ETV7: variants seen among roughly 807,000 people sequenced by gnomAD.
The protein encoded by ETV7 is transcription factor ETV7.
A neutral mutation model predicts 39.1 loss-of-function variants in ETV7; 43 were observed. The observed-to-expected ratio is 1.10, with a 90% confidence interval of 0.86 to 1.42. ETV7 has a LOEUF of 1.42. Ranked by LOEUF, ETV7 falls within the 40% of genes most tolerant of loss-of-function variation. ETV7 has a pLI of 0.00. For missense variants in ETV7, 432 were observed against 442.3 expected (o/e 0.98, Z 0.21); for synonymous variants, 196 against 176.6 (o/e 1.11, Z -0.87).
At chr6:36,381,216 T>C (rs1773635822) in intron 2 of ETV7, among the ~76,000 whole-genome samples, 1 of 152,078 alleles carries the variant, frequency 6.6e-6, no homozygotes, top group African/African-American at 2.4e-5. Flanking sequence ...ACCCTAAAAA[T>C]GGGAGCTATC....
Position 36,373,595 on chromosome 6 carries a change from G to A in ETV7, c.308-17C>T. On this transcript the variant is annotated splice_polypyrimidine_tract_variant and intron_variant, in intron 3 of 7. Transcript: ENST00000340181. ...GGACGTCACCTGGAGGTGGGTGGGA[G>A]GGAGGGCAGGCTGCTGAACAGGCCA... 3 of 1,515,164 alleles carry A rather than the reference G, an allele frequency of 2.0e-6. No individual in the cohort carries two copies. Among genetic ancestry groups the A allele is most frequent in the Non-Finnish European group, 2.7e-6 (3 of 1,130,296 alleles). 93.9% of individuals were successfully genotyped at this position (1,515,164 alleles called of 1,614,324 possible).
chr6:36,372,668 T>C (rs1200296959), intron 4 of ETV7, among the ~76,000 whole-genome samples: 3 of 142,522 alleles, frequency 2.1e-5, no homozygotes, highest in African/African-American at 5.3e-5. Context: ...ATCTGAGCAA[T>C]TGGAAGGGTG....
At chr6:36,369,412 T>TG (rs1210834916) in intron 5 of ETV7, among the ~76,000 whole-genome samples, 2 of 152,170 alleles carry the variant, frequency 1.3e-5, no homozygotes, top group Admixed American at 1.3e-4. Flanking sequence ...TGAGGGCAGG[T>TG]GCTGGGCCCA....
At chr6:36,384,743 G>T (rs1014862576) in intron 2 of ETV7, among the ~76,000 whole-genome samples, 4 of 152,064 alleles carry the variant, frequency 2.6e-5, no homozygotes, top group Non-Finnish European at 4.4e-5. Context: ...ACAAAAATTA[G>T]CCAGGTGTGG....
chr6:36,366,660 T>C lies in ETV7; in HGVS notation c.1011A>G (p.Pro337=). 1 of 1,614,180 alleles carries C rather than the reference T, an allele frequency of 6.2e-7. No homozygotes were observed. The highest frequency in any genetic ancestry group is 1.3e-5 in the African/African-American group (1 of 75,030). Residue 337 remains proline, a synonymous_variant, in exon 8 of 8, where the codon CCA becomes CCG. Coordinates refer to ENST00000340181, the MANE Select transcript of ETV7 (RefSeq NM_016135.4). ...QDRIEFKDKR[P]EISP is the part of the protein sequence containing the mutation. Reference sequence around the variant, plus strand: ...CACCTGCCCCTCACGGAGAGATTTCTGGCCTCTTGTCCTTGAACTCTATTC... The same window carrying C: ...CACCTGCCCCTCACGGAGAGATTTCCGGCCTCTTGTCCTTGAACTCTATTC...
In ETV7 at chr6:36,366,203, A is replaced by G. The variant is rs1772706661; in HGVS notation, c.*442T>C. On this transcript the variant is annotated 3_prime_UTR_variant, in exon 8 of 8. Transcript: ENST00000340181. ...ATAAAAGAAAGAAACATCAGCTACC[A>G]TTGTTTTTATTGTTACTGAGGCTGT... 7 of 1,006,164 alleles carry G rather than the reference A, an allele frequency of 7.0e-6. No homozygotes were observed. Among genetic ancestry groups the G allele is most frequent in the Non-Finnish European group, 8.3e-6 (7 of 841,708 alleles). The allele number at this position is 1,006,164 out of a possible 1,614,324, so 62.3% of individuals were successfully genotyped here.
rs932571583 is a variant in ETV7, at chr6:36,368,964, G to T, written c.772C>A (p.Pro258Thr). 2 of 1,614,132 alleles carry T rather than the reference G, an allele frequency of 1.2e-6. No individual in the cohort carries two copies. The highest frequency in any genetic ancestry group is 3.3e-5 in the Admixed American group (2 of 60,012). ...KDAKIFRVVDPNGLARLWGNH... is the reference protein window; with the variant it reads ...KDAKIFRVVDTNGLARLWGNH... Reference sequence around the variant, plus strand: ...CCCCAGAGTCTGGCGAGCCCATTTGGATCCACAACTCGGAAGATCTTGGCG... The same window carrying T: ...CCCCAGAGTCTGGCGAGCCCATTTGTATCCACAACTCGGAAGATCTTGGCG... Residue 258 changes from proline to threonine, a missense_variant, in exon 6 of 8, where the codon CCA becomes ACA. By Grantham distance (38) the Pro-to-Thr change is conservative. Coordinates refer to ENST00000340181, the MANE Select transcript of ETV7 (RefSeq NM_016135.4).
chr6:36,375,235 A>G (rs990965710), intron 3 of ETV7, among the ~76,000 whole-genome samples: 2 of 152,154 alleles, frequency 1.3e-5, no homozygotes, highest in African/African-American at 4.8e-5. Context: ...TTCTTAAGAA[A>G]AAGACACCAA....
In ETV7 at chr6:36,371,705, G is replaced by A. The variant is rs775752800; in HGVS notation, c.434-145C>T. 2.5e-5 allele frequency: 18 copies of A among 717,422 alleles called. No individual in the cohort carries two copies. The South Asian group carries it at 2.9e-4, about 12-fold the overall frequency. 44.4% of individuals were successfully genotyped at this position (717,422 alleles called of 1,614,324 possible). On this transcript the variant is annotated intron_variant, in intron 4 of 7. Transcript: ENST00000340181. ...CAGCCCCTGGTTAGAAGGTCAGGGA[G>A]GCAGTGGGGGGCAGTGGGTGAGGGC... is the stretch of plus-strand genomic sequence containing the variant.
intron 1 of ETV7, among the ~76,000 whole-genome samples, chr6:36,386,607 T>G (rs1386275787): frequency 6.6e-6 from 1 of 152,204 alleles, no homozygotes; most frequent in Non-Finnish European, 1.5e-5. Context: ...ACTCTAGGAT[T>G]GTCAAAAGCT....
intron 2 of ETV7, among the ~76,000 whole-genome samples, chr6:36,377,236 A>G (rs1773423216): frequency 6.6e-6 from 1 of 152,176 alleles, no homozygotes; most frequent in South Asian, 2.1e-4. Flanking sequence ...CAAAGTGGGC[A>G]GATCACTTGA....
chr6:36,363,352 C>T (rs1364591378), downstream of ETV7, among the ~76,000 whole-genome samples: 3 of 151,688 alleles, frequency 2.0e-5, no homozygotes, highest in African/African-American at 7.3e-5. Flanking sequence ...GCCCTTAAGG[C>T]ACCGCGTCTG....
chr6:36,355,657 C>A (rs1772318605), intron 7 of ETV7, among the ~76,000 whole-genome samples: 1 of 152,232 alleles, frequency 6.6e-6, no homozygotes. Flanking sequence ...AACTTATCTG[C>A]CCACCTTGGC....
At chr6:36,377,664 C>T (rs1773443939) in intron 2 of ETV7, among the ~76,000 whole-genome samples, 1 of 152,196 alleles carries the variant, frequency 6.6e-6, no homozygotes, top group South Asian at 2.1e-4. Context: ...TTAATTTTAA[C>T]ATTTAAAACA....
At position 36,375,823 on chromosome 6, in the gene ETV7, G is replaced by T. The variant is rs2234077; in HGVS notation, c.307+48C>A. On this transcript the variant is annotated intron_variant, in intron 3 of 7. Coordinates refer to ENST00000340181, the MANE Select transcript of ETV7 (RefSeq NM_016135.4). The stretch of plus-strand genomic sequence containing the variant: ...CCCCCGGGGGTACTTGGGCCATCCT[G>T]GCCTACCAGGGTTCCCGCTTAGAGG... 442 of 1,612,370 alleles carry T rather than the reference G, an allele frequency of 2.7e-4. 2 individuals are homozygous for T. In the African/African-American group the frequency reaches 5.5e-3, roughly 20 times the overall value.
intron 3 of ETV7, 142 bp downstream of exon 3, chr6:36,375,729 A>T (rs1257217590): frequency 3.0e-6 from 4 of 1,332,040 alleles, no homozygotes; most frequent in Non-Finnish European, 4.2e-6. Flanking sequence ...ACGTATGCAG[A>T]GGGGCATCTG....
chr6:36,377,340 A>C (rs1383829471), intron 2 of ETV7, among the ~76,000 whole-genome samples: 5 of 152,128 alleles, frequency 3.3e-5, no homozygotes, highest in African/African-American at 1.2e-4. Context: ...AGTGATGCAC[A>C]CTTGTGGTCC....
downstream of ETV7, among the ~76,000 whole-genome samples, chr6:36,364,389 T>C (rs1772637822): frequency 6.6e-6 from 1 of 152,238 alleles, no homozygotes; most frequent in South Asian, 2.1e-4. Context: ...GGAAGGCAGC[T>C]AAGGCCCGGT....
chr6:36,374,860 G>C (rs1187572271), intron 3 of ETV7, among the ~76,000 whole-genome samples: 1 of 151,966 alleles, frequency 6.6e-6, no homozygotes, highest in East Asian at 1.9e-4. Flanking sequence ...ACCTGAGGTT[G>C]GGAGTTTGAG....
Sources: gnomAD v4.1 joint callset for allele counts (sites outside exome capture counted in the v4.1 genomes callset) on GRCh38, gnomAD v4.1.1 for gene constraint, MANE v1.5 for transcripts, NCBI Gene and HGNC (gene_info 2026-07-23, HGNC 2026-07-21) for gene names.